KIF26B: variants seen among roughly 807,000 people sequenced by gnomAD.
KIF26B encodes kinesin family member 26B.
KIF26B carries 63 observed loss-of-function variants against 151.2 expected under a neutral mutation model. That is an observed-to-expected ratio of 0.42 (90% CI 0.34 to 0.51). The LOEUF (loss-of-function observed/expected upper bound fraction) is 0.51, where lower values mean the gene tolerates loss of function less well. KIF26B is among the 20% of genes least tolerant of loss of function. KIF26B has a pLI of 0.07. For missense variants in KIF26B, 2,813 were observed against 2,913.6 expected, an observed-to-expected ratio of 0.97 and a Z score of 0.79; for synonymous variants, 1,357 against 1,262.1, an observed-to-expected ratio of 1.08 and a Z score of -1.59.
intron 2 of KIF26B, among the ~76,000 whole-genome samples, chr1:245,194,778 A>G (rs1669164519): frequency 6.6e-6 from 1 of 152,210 alleles, no homozygotes; most frequent in African/African-American, 2.4e-5. Flanking sequence ...AGCCAGAAGA[A>G]TAAGAATGCT....
intron 9 of KIF26B, among the ~76,000 whole-genome samples, chr1:245,638,643 T>C (rs1285091684): frequency 1.3e-5 from 2 of 151,918 alleles, no homozygotes; most frequent in African/African-American, 2.4e-5. Context: ...ATGACACTTA[T>C]CTTGTTGAGG....
chr1:245,611,022 T>C (rs1183675541), intron 8 of KIF26B, among the ~76,000 whole-genome samples: 3 of 152,242 alleles, frequency 2.0e-5, no homozygotes, highest in Non-Finnish European at 4.4e-5. Context: ...TCAATTCTGT[T>C]AATGTGATCG....
At chr1:245,694,665 C>T (rs2044667787) in intron 12 of KIF26B, among the ~76,000 whole-genome samples, 2 of 152,192 alleles carry the variant, frequency 1.3e-5, no homozygotes, top group Admixed American at 1.3e-4. Context: ...GGGCCAGCGA[C>T]CCCTCTGACT....
Position 245,542,834 on chromosome 1 carries a change from A to T in KIF26B, c.1350+1884A>T, listed in dbSNP as rs576060403. Among the ~76,000 whole-genome samples, 16 of 152,314 alleles carry T rather than the reference A, an allele frequency of 1.1e-4. No homozygotes were observed. The South Asian group carries it at 3.3e-3, about 32-fold the overall frequency. On this transcript the variant is annotated intron_variant, in intron 5 of 14. Coordinates refer to ENST00000407071, the MANE Select transcript of KIF26B (RefSeq NM_018012.4). ...CTTGTTTTGCAAAGAGGGATTTGGA[A>T]CTTCAGTGCCGGAGCTGAACTGCTC... is the stretch of plus-strand genomic sequence containing the variant.
intron 4 of KIF26B, among the ~76,000 whole-genome samples, chr1:245,477,260 G>A (rs1660059780): frequency 6.6e-6 from 1 of 151,788 alleles, no homozygotes; most frequent in Admixed American, 6.6e-5. Flanking sequence ...GCATATTTTT[G>A]AAGCTCAAGA....
At chr1:245,585,321 G>A (rs1055859871) in intron 5 of KIF26B, among the ~76,000 whole-genome samples, 3 of 152,236 alleles carry the variant, frequency 2.0e-5, no homozygotes, top group Non-Finnish European at 4.4e-5. Context: ...ACAAAAACGT[G>A]TCTAGGGAGT....
intron 7 of KIF26B, 73 bp from the exon 8 acceptor site, chr1:245,609,193 A>T (rs1447124026): frequency 1.8e-5 from 24 of 1,357,364 alleles, no homozygotes; most frequent in African/African-American, 2.9e-5. Flanking sequence ...TATCCTTGGC[A>T]TCTATTTTGG....
Position 245,646,272 on chromosome 1 carries a change from T to C in KIF26B, c.2250T>C (p.Ile750=). 1 of 1,613,682 alleles carries C rather than the reference T, an allele frequency of 6.2e-7. No homozygotes were observed. Among genetic ancestry groups the C allele is most frequent in the East Asian group, 2.2e-5 (1 of 44,868 alleles). ...CTCTCGTCAATGGCAGCAAACACATTCCATACAAGTAAGTGACTCTTCTAC... is the reference window on the plus strand; with the variant it reads ...CTCTCGTCAATGGCAGCAAACACATCCCATACAAGTAAGTGACTCTTCTAC... ...ILALVNGSKH[I]PYKESKLAML... is the part of the protein sequence containing the mutation. The change falls in exon 10 of 15, where the codon ATT becomes ATC. Residue 750 remains isoleucine, a synonymous_variant. Transcript: ENST00000407071.
chr1:245,280,366 A>AC (rs71724322), intron 2 of KIF26B, among the ~76,000 whole-genome samples: 2 of 31,602 alleles, frequency 6.3e-5, no homozygotes, highest in Non-Finnish European at 1.1e-4. Flanking sequence ...CAAAAAATAC[A>AC]AAAAAAAAAA....
rs12740483 is a variant in KIF26B, at chr1:245,631,524, G to A, written c.2099-14597G>A. Reference sequence around the variant, plus strand: ...ATTGGTGTGTTGTTAGATTTGGTTCGCTAGTATTTTTTAGATGATTTTTGC... The same window carrying A: ...ATTGGTGTGTTGTTAGATTTGGTTCACTAGTATTTTTTAGATGATTTTTGC... On this transcript the variant is annotated intron_variant, in intron 9 of 14. Coordinates refer to ENST00000407071, the MANE Select transcript of KIF26B (RefSeq NM_018012.4). Among the ~76,000 whole-genome samples the A allele has an allele frequency of 3.5e-3, 531 of 152,168 alleles. 1 individual carries two copies. The highest frequency in any genetic ancestry group is 4.0e-3 in the Non-Finnish European group (271 of 67,984).
intron 4 of KIF26B, among the ~76,000 whole-genome samples, chr1:245,454,031 A>G (rs1447329114): frequency 6.6e-6 from 1 of 152,196 alleles, no homozygotes; most frequent in African/African-American, 2.4e-5. Context: ...TGCCACTCAT[A>G]CAAATAAGAA....
intron 2 of KIF26B, among the ~76,000 whole-genome samples, chr1:245,163,692 G>T (rs916339554): frequency 1.3e-5 from 2 of 152,094 alleles, no homozygotes; most frequent in African/African-American, 4.8e-5. Context: ...CAATTTTTAA[G>T]AGTTTCTTCA....
chr1:245,688,854 G>A, intron 12 of KIF26B, 47 bp downstream of exon 12: 1 of 1,520,396 alleles, frequency 6.6e-7, no homozygotes, highest in African/African-American at 1.4e-5. Context: ...CGGCAGGTGG[G>A]CGAGCTGCCC....
Position 245,190,414 on chromosome 1 carries a change from G to A in KIF26B, c.465+33731G>A, listed in dbSNP as rs112962497. Among the ~76,000 whole-genome samples, 356 of 152,196 alleles carry A rather than the reference G, an allele frequency of 2.3e-3. 1 individual carries two copies. The highest frequency in any genetic ancestry group is 8.3e-3 in the African/African-American group (343 of 41,530). On this transcript the variant is annotated intron_variant, in intron 2 of 14. Coordinates refer to ENST00000407071, the MANE Select transcript of KIF26B (RefSeq NM_018012.4). ...ACACTGGCTGCAGGGTCTTTAGCCT[G>A]GATTCTAGATTGGAGGGTACAGGGC...
intron 10 of KIF26B, among the ~76,000 whole-genome samples, chr1:245,665,768 T>G (rs1441337226): frequency 6.6e-6 from 1 of 152,082 alleles, no homozygotes; most frequent in African/African-American, 2.4e-5. Context: ...GACTGCAACC[T>G]CCGCTTCCCG....
intron 3 of KIF26B, among the ~76,000 whole-genome samples, chr1:245,393,886 T>C (rs1343320261): frequency 6.6e-6 from 1 of 152,220 alleles, no homozygotes; most frequent in Non-Finnish European, 1.5e-5. Flanking sequence ...AACAAACCTT[T>C]AATCTCTGCC....
At chr1:245,303,610 A>C (rs1439333701) in intron 2 of KIF26B, among the ~76,000 whole-genome samples, 1 of 152,242 alleles carries the variant, frequency 6.6e-6, no homozygotes, top group Non-Finnish European at 1.5e-5. Context: ...AATTGTTTGC[A>C]TCTGGCTAAT....
At chr1:245,322,472 A>G (rs1237576221) in intron 2 of KIF26B, among the ~76,000 whole-genome samples, 1 of 152,210 alleles carries the variant, frequency 6.6e-6, no homozygotes, top group African/African-American at 2.4e-5. Context: ...AGAACAGAAC[A>G]ACTCAGACAC....
intron 4 of KIF26B, among the ~76,000 whole-genome samples, chr1:245,502,870 T>C (rs1660651547): frequency 6.6e-6 from 1 of 151,828 alleles, no homozygotes; most frequent in African/African-American, 2.4e-5. Flanking sequence ...ACTTTTTTTT[T>C]TTTTTTTCGA....
Sources: allele counts gnomAD v4.1 joint callset (sites outside exome capture counted in the v4.1 genomes callset), GRCh38; gene constraint gnomAD v4.1.1; transcripts MANE v1.5; gene names NCBI Gene and HGNC (gene_info 2026-07-23, HGNC 2026-07-21).